Variants in NR6A1 observed in about 807,000 individuals in gnomAD.
NR6A1 encodes the protein retinoic acid receptor-related testis-associated receptor.
In NR6A1, 7 loss-of-function variants were observed where a neutral mutation model predicts 59.1. The ratio of observed to expected loss-of-function variants is 0.12; its 90% CI spans 0.07 to 0.22. The LOEUF (loss-of-function observed/expected upper bound fraction) is 0.22. NR6A1 is among the 10% of genes least tolerant of loss of function. The probability of loss-of-function intolerance (pLI) is 1.00; values close to 1 mark genes in which losing one functional copy is unlikely to be tolerated. For synonymous variants in NR6A1, 243 were observed against 236.1 expected (o/e 1.03, Z -0.27); for missense variants, 468 against 611.6 (o/e 0.77, Z 2.48).
chr9:124,770,079 G>C (rs1427935364), intron 1 of NR6A1: 1 of 152,328 alleles, frequency 6.6e-6, no homozygotes, highest in African/African-American at 2.4e-5. Context: ...GGAAGGGCCG[G>C]GCCAGGTGAG....
chr9:124,642,496 A>G (rs1033616169), intron 2 of NR6A1, among the ~76,000 whole-genome samples: 1 of 152,182 alleles, frequency 6.6e-6, no homozygotes, highest in South Asian at 2.1e-4. Flanking sequence ...ATTTTTTTTA[A>G]TGGGCAACTG....
intron 2 of NR6A1, among the ~76,000 whole-genome samples, chr9:124,657,416 G>A (rs2130933370): frequency 6.6e-6 from 1 of 152,258 alleles, no homozygotes; most frequent in East Asian, 1.9e-4. Flanking sequence ...TTTCTAAAGA[G>A]ACAAGAAAGT....
chr9:124,750,314 G>C (rs924666281), intron 1 of NR6A1, among the ~76,000 whole-genome samples: 3 of 152,088 alleles, frequency 2.0e-5, no homozygotes, highest in African/African-American at 7.2e-5. Context: ...ACATGCCCAG[G>C]GCCAGCATTT....
chr9:124,602,696 G>T (rs1835478509), intron 2 of NR6A1, among the ~76,000 whole-genome samples: 1 of 152,160 alleles, frequency 6.6e-6, no homozygotes, highest in Non-Finnish European at 1.5e-5. Flanking sequence ...TATCTAAAAA[G>T]AACTCAGTTC....
chr9:124,720,561 G>C (rs1839533784), intron 2 of NR6A1, among the ~76,000 whole-genome samples: 1 of 152,022 alleles, frequency 6.6e-6, no homozygotes, highest in Non-Finnish European at 1.5e-5. Context: ...TTCAATTTTG[G>C]TTCACAATGA....
chr9:124,654,875 T>TACACACACACAC (rs3983841), intron 2 of NR6A1, among the ~76,000 whole-genome samples: 7,562 of 123,722 alleles, frequency 0.061, 277 homozygotes, highest in South Asian at 0.074. Context: ...TTTTTTTTTG[T>TACACACACACAC]ACACACACAC....
At chr9:124,627,950 T>C (rs920417661) in intron 2 of NR6A1, among the ~76,000 whole-genome samples, 3 of 133,108 alleles carry the variant, frequency 2.3e-5, no homozygotes, top group Non-Finnish European at 3.2e-5. Context: ...CCCAAGGAAC[T>C]ATAAATGTAG....
chr9:124,569,682 G>T (rs1834382898), intron 2 of NR6A1, among the ~76,000 whole-genome samples: 1 of 152,160 alleles, frequency 6.6e-6, no homozygotes, highest in Non-Finnish European at 1.5e-5. Flanking sequence ...TGAAATGAAG[G>T]CCTCAGGCTG....
At chr9:124,599,417 C>CT (rs1835381622) in intron 2 of NR6A1, 1 of 364,400 alleles carries the variant, frequency 2.7e-6, no homozygotes, top group Admixed American at 3.9e-5. Context: ...GATACATGGT[C>CT]TCAAAAAAAA....
chr9:124,680,090 ATG>A (rs57251719), intron 2 of NR6A1, among the ~76,000 whole-genome samples: 13,075 of 142,372 alleles, frequency 0.092, 1,164 homozygotes, highest in African/African-American at 0.23. Context: ...GTGTGTATGT[ATG>A]TGTGTGTGTG....
At chr9:124,549,273 T>C (rs1020896294) in intron 3 of NR6A1, among the ~76,000 whole-genome samples, 2 of 152,066 alleles carry the variant, frequency 1.3e-5, no homozygotes, top group African/African-American at 4.8e-5. Flanking sequence ...TGAAACCACA[T>C]GTGCAAAACA....
intron 2 of NR6A1, among the ~76,000 whole-genome samples, chr9:124,574,175 T>C (rs1461322353): frequency 6.6e-6 from 1 of 152,236 alleles, no homozygotes; most frequent in Non-Finnish European, 1.5e-5. Flanking sequence ...ATCCTAAGAC[T>C]TAGCAAAGTA....
chr9:124,686,194 T>C (rs1838324538), intron 2 of NR6A1, among the ~76,000 whole-genome samples: 1 of 152,184 alleles, frequency 6.6e-6, no homozygotes, highest in Admixed American at 6.5e-5. Flanking sequence ...AGACTAAAAT[T>C]AACCCAATAA....
chr9:124,738,998 T>A (rs1411706908), intron 1 of NR6A1, among the ~76,000 whole-genome samples: 2 of 94,756 alleles, frequency 2.1e-5, no homozygotes, highest in Non-Finnish European at 4.1e-5. Flanking sequence ...CAAGACTCCA[T>A]CTAAAAAAAA....
At chr9:124,702,210 A>G (rs1838981122) in intron 2 of NR6A1, among the ~76,000 whole-genome samples, 1 of 152,180 alleles carries the variant, frequency 6.6e-6, no homozygotes, top group Non-Finnish European at 1.5e-5. Flanking sequence ...GGTCACAAAG[A>G]TATGCTTGAT....
At chr9:124,617,590 G>C (rs1278452637) in intron 2 of NR6A1, among the ~76,000 whole-genome samples, 2 of 152,130 alleles carry the variant, frequency 1.3e-5, no homozygotes, top group Non-Finnish European at 2.9e-5. Flanking sequence ...AAAGCTTTAT[G>C]AGTGGCTCCC....
intron 2 of NR6A1, among the ~76,000 whole-genome samples, chr9:124,711,919 T>C (rs1473225581): frequency 3.9e-5 from 6 of 152,204 alleles, no homozygotes; most frequent in Non-Finnish European, 7.3e-5. Flanking sequence ...CATATATTTT[T>C]AGAGTTTTTG....
At chr9:124,579,748 T>A (rs190697387) in intron 2 of NR6A1, among the ~76,000 whole-genome samples, 1 of 152,134 alleles carries the variant, frequency 6.6e-6, no homozygotes, top group Non-Finnish European at 1.5e-5. Flanking sequence ...CGGTAGCTCA[T>A]ACCTGTAATC....
At chr9:124,585,212 G>A (rs540536511) in intron 2 of NR6A1, among the ~76,000 whole-genome samples, 2 of 152,220 alleles carry the variant, frequency 1.3e-5, no homozygotes, top group Admixed American at 6.5e-5. Flanking sequence ...GTTGGCTCAC[G>A]AGGTTGAAGG....
Sources: gnomAD v4.1 joint callset for allele counts (sites outside exome capture counted in the v4.1 genomes callset) on GRCh38, gnomAD v4.1.1 for gene constraint, MANE v1.5 for transcripts, NCBI Gene and HGNC (gene_info 2026-07-23, HGNC 2026-07-21) for gene names.